The following RAD54L variants were observed in gnomAD, a reference collection of about 807,000 sequenced individuals.
RAD54L encodes RAD54 like, also known as DNA repair and recombination protein RAD54-like.
RAD54L carries 74 observed loss-of-function variants against 91.6 expected under a neutral mutation model. That is an observed-to-expected ratio of 0.81 (90% CI 0.67 to 0.98). The LOEUF (loss-of-function observed/expected upper bound fraction) is 0.98, where lower values mean the gene tolerates loss of function less well. Among genes scored for constraint, RAD54L ranks in the 50% least tolerant of loss-of-function variants. The pLI, the probability that RAD54L is intolerant of heterozygous loss-of-function variation, is 0.00. For missense variants in RAD54L, 887 were observed against 945.7 expected, an observed-to-expected ratio of 0.94 and a Z score of 0.81; for synonymous variants, 304 against 349.7, an observed-to-expected ratio of 0.87 and a Z score of 1.46.
chr1:46,256,717 A>G (rs9793263), intron 3 of RAD54L, among the ~76,000 whole-genome samples: 79,976 of 151,966 alleles, frequency 0.53, 21,796 homozygotes, highest in East Asian at 0.74. Flanking sequence ...GTTTTTTGCC[A>G]ACTTTGCCTT....
At chr1:46,274,978 T>C (rs1660551724) in intron 16 of RAD54L, among the ~76,000 whole-genome samples, 1 of 152,230 alleles carries the variant, frequency 6.6e-6, no homozygotes, top group Non-Finnish European at 1.5e-5. Flanking sequence ...ACATGATTTC[T>C]GCTGTGTCAC....
At chr1:46,261,810 C>T (rs1316182541) in intron 8 of RAD54L, among the ~76,000 whole-genome samples, 1 of 152,046 alleles carries the variant, frequency 6.6e-6, no homozygotes, top group Non-Finnish European at 1.5e-5. Context: ...GTACTTTTTC[C>T]AAAGAGGTTT....
chr1:46,248,477 T>A (rs750212583), intron 1 of RAD54L, 35 bp from the exon 2 acceptor site: 1 of 1,613,786 alleles, frequency 6.2e-7, no homozygotes, highest in Non-Finnish European at 8.5e-7. Context: ...GGCTGCAGGA[T>A]CCTTGCAGGC....
intron 3 of RAD54L, among the ~76,000 whole-genome samples, chr1:46,255,394 T>C (rs1659912316): frequency 6.6e-6 from 1 of 151,502 alleles, no homozygotes; most frequent in South Asian, 2.1e-4. Context: ...GAATTATCAG[T>C]AACTAAATGA....
At chr1:46,256,631 C>CT (rs1237913761) in intron 3 of RAD54L, among the ~76,000 whole-genome samples, 3 of 145,276 alleles carry the variant, frequency 2.1e-5, no homozygotes, top group African/African-American at 2.7e-5. Context: ...GAGACCCTGT[C>CT]TTTTAAAAAA....
rs76085646 is a variant in RAD54L at position 46,269,310 on chromosome 1, C to CT, written c.1043-1333dup. Among the ~76,000 whole-genome samples the CT allele has an allele frequency of 8.5e-3, 1,189 of 140,254 alleles. 7 individuals carry two copies. Among genetic ancestry groups the CT allele is most frequent in the African/African-American group, 9.8e-3 (376 of 38,274 alleles). The allele number at this position is 140,254 out of a possible 152,430, so 92.0% of individuals were successfully genotyped here. A position where few individuals can be genotyped will look rare whatever the true frequency, so the allele number is the denominator to read the frequency against. On this transcript the variant is annotated intron_variant, in intron 9 of 17. Coordinates refer to ENST00000371975, the MANE Select transcript of RAD54L (RefSeq NM_003579.4). The stretch of plus-strand genomic sequence containing the variant: ...TTAGTGTGAATATTCCAACTATAGT[C>CT]TTTTTTTTTTTTTTTTGACACAGGG...
intron 2 of RAD54L, among the ~76,000 whole-genome samples, chr1:46,249,187 G>A (rs1659734586): frequency 6.6e-6 from 1 of 152,204 alleles, no homozygotes; most frequent in Admixed American, 6.5e-5. Flanking sequence ...CAAGAAGTGG[G>A]GGCTTGGCCA....
intron 12 of RAD54L, among the ~76,000 whole-genome samples, 171 bp from the exon 13 acceptor site, chr1:46,273,184 C>T (rs1245575275): frequency 1.3e-5 from 2 of 152,302 alleles, no homozygotes; most frequent in African/African-American, 2.4e-5. Context: ...GTCCATCCAT[C>T]GTCCCAGATG....
At chr1:46,257,267 T>C (rs17102086) in intron 3 of RAD54L, among the ~76,000 whole-genome samples, 23,054 of 152,210 alleles carry the variant, frequency 0.15, 2,222 homozygotes, top group East Asian at 0.39. Context: ...GCTTGCTTTT[T>C]TTCCTATTAG....
chr1:46,271,890 C>G (rs1660437989), intron 10 of RAD54L, among the ~76,000 whole-genome samples: 3 of 152,098 alleles, frequency 2.0e-5, no homozygotes, highest in South Asian at 4.1e-4. Context: ...TGGGAAGCCT[C>G]AGTCTTCTCT....
rs760041006 is a variant in RAD54L at position 46,267,413 on chromosome 1, G to A, written c.892-46G>A. On this transcript the variant is annotated intron_variant, in intron 8 of 17. Transcript: ENST00000371975. ...CCTGTCTACATGAGACTTTGCTACC[G>A]TATAGGGAATGCCACATTGCGCTCT... 3.2e-5 allele frequency: 52 copies of A among 1,612,012 alleles called. No homozygotes were observed. The South Asian group carries it at 4.4e-4, about 14-fold the overall frequency.
At chr1:46,276,226 GGAGTA>G (rs1414126688) in intron 16 of RAD54L, among the ~76,000 whole-genome samples, 2 of 152,150 alleles carry the variant, frequency 1.3e-5, no homozygotes, top group Non-Finnish European at 1.5e-5. Flanking sequence ...TGCCTAAGCT[GGAGTA>G]TAGTGGCACG....
At chr1:46,273,291 A>T in intron 12 of RAD54L, 64 bp from the exon 13 acceptor site, 1 of 1,333,192 alleles carries the variant, frequency 7.5e-7, no homozygotes, top group African/African-American at 1.4e-5. Flanking sequence ...AGGGAGTTCT[A>T]GTGAACACTG....
intron 16 of RAD54L, among the ~76,000 whole-genome samples, chr1:46,277,100 G>C (rs1048076985): frequency 7.2e-5 from 11 of 152,282 alleles, no homozygotes; most frequent in Admixed American, 7.2e-4. Context: ...TGTCCCCAAG[G>C]TTCTTTAATG....
chr1:46,262,335 A>AGGT (rs1472602669), intron 8 of RAD54L, among the ~76,000 whole-genome samples: 3 of 152,090 alleles, frequency 2.0e-5, no homozygotes, highest in Non-Finnish European at 2.9e-5. Flanking sequence ...TGAACCCGGG[A>AGGT]GGTGGAGGTT....
At chr1:46,257,641 C>G (rs1054319597) in intron 3 of RAD54L, among the ~76,000 whole-genome samples, 1 of 152,202 alleles carries the variant, frequency 6.6e-6, no homozygotes, top group African/African-American at 2.4e-5. Flanking sequence ...CATATGTCTA[C>G]CTGCTGTCAC....
chr1:46,258,145 T>C (rs1659993860), intron 3 of RAD54L, among the ~76,000 whole-genome samples: 1 of 152,116 alleles, frequency 6.6e-6, no homozygotes, highest in Non-Finnish European at 1.5e-5. Context: ...CCCAAAGTGT[T>C]AGGATTACAG....
intron 12 of RAD54L, 96 bp downstream of exon 12, chr1:46,272,898 G>C (rs1209147821): frequency 2.6e-6 from 4 of 1,534,972 alleles, no homozygotes; most frequent in Admixed American, 1.7e-5. Flanking sequence ...AACTCGTCCA[G>C]AGTCATCCTC....
At chr1:46,254,734 G>A (rs138930451) in intron 3 of RAD54L, among the ~76,000 whole-genome samples, 34 of 152,154 alleles carry the variant, frequency 2.2e-4, no homozygotes, top group African/African-American at 8.0e-4. Flanking sequence ...CCACAGGCGT[G>A]TGCCACCAAA....
Sources: allele counts gnomAD v4.1 joint callset (sites outside exome capture counted in the v4.1 genomes callset), GRCh38; gene constraint gnomAD v4.1.1; transcripts MANE v1.5; gene names NCBI Gene and HGNC (gene_info 2026-07-23, HGNC 2026-07-21).